TTC3: variants seen among roughly 807,000 people sequenced by gnomAD.
The protein encoded by TTC3 is E3 ubiquitin-protein ligase TTC3.
Under a neutral mutation model 249.6 loss-of-function variants are expected in TTC3, and 180 were observed. The ratio of observed to expected loss-of-function variants is 0.72; its 90% confidence interval spans 0.64 to 0.82. The LOEUF (loss-of-function observed/expected upper bound fraction) is 0.82, where lower values mean the gene tolerates loss of function less well. TTC3 is among the 40% of genes least tolerant of loss of function. TTC3 has a pLI of 0.00. For missense variants in TTC3, 2,061 were observed against 2,398.4 expected, an observed-to-expected ratio of 0.86 and a Z score of 2.94; for synonymous variants, 717 against 805.0, an observed-to-expected ratio of 0.89 and a Z score of 1.85.
chr21:37,075,413 AGGAAG>A (rs2070710697), intron 1 of TTC3, among the ~76,000 whole-genome samples: 2 of 152,342 alleles, frequency 1.3e-5, no homozygotes, highest in East Asian at 3.9e-4. Context: ...AAGTTTCTGT[AGGAAG>A]TACACCTAAG....
At chr21:37,153,026 A>G (rs1226343847) in exon 27 of TTC3, 1 of 1,613,952 alleles carries the variant, frequency 6.2e-7, no homozygotes, top group East Asian at 2.2e-5. Flanking sequence ...TATGCTGACA[A>G]GATTAAATCC....
At position 37,101,810 on chromosome 21, in the gene TTC3, G is replaced by C. The variant is rs2074532086; in HGVS notation, c.845+5167G>C. Among the ~76,000 whole-genome samples the C allele has an allele frequency of 2.6e-5, 4 of 151,396 alleles. No homozygotes were observed. In the South Asian group the frequency reaches 8.3e-4, roughly 31 times the overall value. ...TTTTTACATTTAAGTCTTGGAGCTTGTTTTGGATCTGTATATAGAGACCTA... is the reference window on the plus strand; with the variant it reads ...TTTTTACATTTAAGTCTTGGAGCTTCTTTTGGATCTGTATATAGAGACCTA... On this transcript the variant is annotated intron_variant, in intron 10 of 45. Transcript: ENST00000355666.
At chr21:37,085,987 A>G (rs2072416143) in intron 1 of TTC3, 1 of 152,242 alleles carries the variant, frequency 6.6e-6, no homozygotes, top group Admixed American at 6.5e-5. Flanking sequence ...CCATCTGTAC[A>G]GTGGAGATAA....
chr21:37,095,135 ATATG>A (rs943021283), intron 8 of TTC3, among the ~76,000 whole-genome samples: 9 of 76,752 alleles, frequency 1.2e-4, no homozygotes, highest in Admixed American at 4.1e-4. Context: ...GTCTCTAAAA[ATATG>A]TGTGTGTGTG....
intron 33 of TTC3, among the ~76,000 whole-genome samples, chr21:37,167,069 AG>A (rs2081313798): frequency 6.6e-6 from 1 of 152,162 alleles, no homozygotes; most frequent in Admixed American, 6.5e-5. Context: ...TGAAGGAGGA[AG>A]GGAAAATGTG....
exon 32 of TTC3, chr21:37,164,077 C>T: frequency 6.2e-7 from 1 of 1,610,566 alleles, no homozygotes; most frequent in Non-Finnish European, 8.5e-7. Context: ...TCTGCAGGCC[C>T]ATTTGCAGTG....
chr21:37,083,441 G>A (rs1247549625), intron 1 of TTC3: 18 of 978,210 alleles, frequency 1.8e-5, no homozygotes, highest in Non-Finnish European at 2.2e-5. Flanking sequence ...CCAGTTAGGA[G>A]ACTGCTTGTT....
chr21:37,201,706 C>T (rs2085522527), exon 46 of TTC3: 9 of 1,123,312 alleles, frequency 8.0e-6, no homozygotes, highest in Admixed American at 2.9e-5. Flanking sequence ...ACATGGAAAT[C>T]GTTAATATCG....
chr21:37,166,723 T>A (rs189392001), intron 33 of TTC3, 108 bp downstream of exon 33: 102 of 1,436,748 alleles, frequency 7.1e-5, no homozygotes, highest in South Asian at 1.2e-4. Context: ...GACTTTATAA[T>A]GATTACTGAA....
At chr21:37,186,130 T>G (rs2083248821) in intron 37 of TTC3, 1 of 153,614 alleles carries the variant, frequency 6.5e-6, no homozygotes, top group South Asian at 2.1e-4. Context: ...GCTGGTAGTT[T>G]GTTGCTGTTA....
At chr21:37,198,120 A>G (rs942009493) in intron 44 of TTC3, 95 bp downstream of exon 44, 1 of 1,377,340 alleles carries the variant, frequency 7.3e-7, no homozygotes, top group Non-Finnish European at 9.7e-7. Context: ...TCTAGACCTA[A>G]TTTATTTGAT....
intron 1 of TTC3, chr21:37,082,764 C>A: frequency 1.0e-6 from 1 of 985,000 alleles, no homozygotes; most frequent in Non-Finnish European, 1.2e-6. Context: ...CAGTACATTC[C>A]CCCAGAGTGT....
At chr21:37,191,840 C>T (rs1602141800) in intron 40 of TTC3, among the ~76,000 whole-genome samples, 5 of 152,178 alleles carry the variant, frequency 3.3e-5, no homozygotes, top group African/African-American at 7.2e-5. Context: ...CTGCCCGCTT[C>T]GGCCTCCCAA....
chr21:37,119,217 T>C (rs1373639146), intron 11 of TTC3, among the ~76,000 whole-genome samples: 2 of 152,006 alleles, frequency 1.3e-5, no homozygotes, highest in African/African-American at 4.8e-5. Context: ...GGTTTTAAGA[T>C]TTTTTTTAGG....
rs575595777 is a variant in TTC3, at chr21:37,112,833, G to C, written c.900+4387G>C. ...CCGAATCCAGCAACACATCAAAAAG[G>C]TTATCCACCATGATCAAGTGGGCTT... On this transcript the variant is annotated intron_variant, in intron 11 of 45. Transcript: ENST00000355666. Among the ~76,000 whole-genome samples the C allele has an allele frequency of 1.5e-3, 224 of 152,214 alleles. 2 individuals carry two copies. Among genetic ancestry groups the C allele is most frequent in the African/African-American group, 4.9e-3 (205 of 41,536 alleles).
chr21:37,149,444 T>C (rs1218389559), intron 23 of TTC3, among the ~76,000 whole-genome samples: 1 of 152,230 alleles, frequency 6.6e-6, no homozygotes, highest in Non-Finnish European at 1.5e-5. Flanking sequence ...CTGTCACCTT[T>C]GAGTCACTTC....
chr21:37,165,988 C>T lies in TTC3; in HGVS notation c.3774C>T (p.Ser1258=), dbSNP rs138345072. The change falls in exon 33 of 46, where the codon TCC becomes TCT. Residue 1258 remains serine, a synonymous_variant. Coordinates refer to ENST00000355666, the Ensembl canonical transcript of TTC3. ...AAGATGTGAAGGCCAAACCAGTATC[C>T]GACAATTCTTCTAGACAAGTTTCTG... 1.7e-4 allele frequency: 278 copies of T among 1,614,126 alleles called. No homozygotes were observed. The African/African-American group carries it at 3.1e-3, about 18-fold the overall frequency.
chr21:37,121,016 A>G (rs1250199111), intron 11 of TTC3, among the ~76,000 whole-genome samples: 1 of 152,162 alleles, frequency 6.6e-6, no homozygotes, highest in African/African-American at 2.4e-5. Context: ...TGCCAGTAGT[A>G]CTGTGCCTAA....
At chr21:37,156,291 C>T (rs2080076123) in intron 27 of TTC3, among the ~76,000 whole-genome samples, 2 of 151,764 alleles carry the variant, frequency 1.3e-5, no homozygotes, top group Admixed American at 6.6e-5. Flanking sequence ...CCAGCCTTGT[C>T]CTCCCAAAGT....
Sources: allele counts gnomAD v4.1 joint callset (sites outside exome capture counted in the v4.1 genomes callset), GRCh38; gene constraint gnomAD v4.1.1; transcripts MANE v1.5; gene names NCBI Gene and HGNC (gene_info 2026-07-23, HGNC 2026-07-21).